The following RNF6 variants were observed in gnomAD, a reference collection of about 807,000 sequenced individuals.
RNF6 encodes ring finger protein 6, also known as E3 ubiquitin-protein ligase RNF6.
Under a neutral mutation model 50.1 loss-of-function variants are expected in RNF6, and 21 were observed. The ratio of observed to expected loss-of-function variants is 0.42; its 90% CI spans 0.30 to 0.60. The LOEUF is 0.60. Among genes scored for constraint, RNF6 ranks in the 20% least tolerant of loss-of-function variants. RNF6 has a pLI of 0.20. For synonymous variants in RNF6, 255 were observed against 291.8 expected (o/e 0.87, Z 1.29); for missense variants, 698 against 838.2 (o/e 0.83, Z 2.07).
At chr13:26,211,970 C>T (rs1869346156), downstream of RNF6, among the ~76,000 whole-genome samples, 1 of 152,184 alleles carries the variant, frequency 6.6e-6, no homozygotes, top group African/African-American at 2.4e-5. Flanking sequence ...GACCAAACAA[C>T]GTCTTTTTTT....
At position 26,161,849 on chromosome 13, in the gene RNF6, T is replaced by C. The variant is rs561069797; in HGVS notation, n.769-29398A>G. On this transcript the variant is annotated intron_variant and non_coding_transcript_variant, in intron 5 of 5. Coordinates refer to the RNF6 transcript ENST00000468480. ...TAGCAGAAAATCCCATTGTGTCTTC[T>C]CTTTCCCTTTCTGTTCCACTCAAAA... Among the ~76,000 whole-genome samples the C allele has an allele frequency of 5.3e-4, 80 of 152,202 alleles. 1 individual carries two copies. Among genetic ancestry groups the C allele is most frequent in the Non-Finnish European group, 1.5e-4 (10 of 68,036 alleles).
At chr13:26,189,272 G>A (rs1422349553) in intron 5 of RNF6, among the ~76,000 whole-genome samples, 1 of 152,020 alleles carries the variant, frequency 6.6e-6, no homozygotes, top group Admixed American at 6.5e-5. Flanking sequence ...AGGTTGCAGT[G>A]AGCCAAGGTC....
rs543372571 is a variant in RNF6 at position 26,164,723 on chromosome 13, C to T, written n.769-32272G>A. Among the ~76,000 whole-genome samples the T allele has an allele frequency of 3.3e-5, 5 of 152,210 alleles. No homozygotes were observed. The South Asian group carries it at 1.0e-3, about 32-fold the overall frequency. The stretch of plus-strand genomic sequence containing the variant: ...CTTTTCTTTACTTATTTGTTTCATT[C>T]CTTTTACTGCCTCTCATGGATGAGA... On this transcript the variant is annotated intron_variant and non_coding_transcript_variant, in intron 5 of 5. Transcript: ENST00000468480.
chr13:26,132,361 GA>G, exon 6 of RNF6: 1 of 437,200 alleles, frequency 2.3e-6, no homozygotes, highest in Non-Finnish European at 4.6e-6. Flanking sequence ...CGAAGCTATT[GA>G]AATGAAGATG....
At chr13:26,189,730 T>C (rs74241261) in intron 5 of RNF6, among the ~76,000 whole-genome samples, 1 of 151,914 alleles carries the variant, frequency 6.6e-6, no homozygotes, top group African/African-American at 2.4e-5. Context: ...TCCTTGGAGA[T>C]AGAGATTTCA....
chr13:26,219,081 G>A (rs1593201389), intron 3 of RNF6, among the ~76,000 whole-genome samples: 1 of 152,002 alleles, frequency 6.6e-6, no homozygotes, highest in Admixed American at 6.6e-5. Context: ...GCTTTGGGGG[G>A]AGCTATTAAT....
chr13:26,155,705 G>A (rs1307814478), intron 5 of RNF6, among the ~76,000 whole-genome samples: 1 of 152,202 alleles, frequency 6.6e-6, no homozygotes, highest in African/African-American at 2.4e-5. Flanking sequence ...GGAAAAGGGT[G>A]AGAACAACCT....
At chr13:26,143,320 C>T (rs918660586) in intron 5 of RNF6, among the ~76,000 whole-genome samples, 58 of 152,132 alleles carry the variant, frequency 3.8e-4, no homozygotes, top group Non-Finnish European at 7.3e-5. Flanking sequence ...TCCAACTTCC[C>T]CTTAGTAGTC....
chr13:26,179,551 C>G (rs920508642), intron 5 of RNF6, among the ~76,000 whole-genome samples: 3 of 152,188 alleles, frequency 2.0e-5, no homozygotes, highest in Middle Eastern at 3.2e-3. Context: ...CTATTCTGAA[C>G]AGTTCCTTCT....
intron 5 of RNF6, among the ~76,000 whole-genome samples, chr13:26,184,018 AT>A (rs1169961717): frequency 1.8e-4 from 6 of 33,932 alleles, no homozygotes; most frequent in African/African-American, 4.7e-4. Flanking sequence ...ATATATATAT[AT>A]TTTTTTTTTT....
chr13:26,187,510 G>T (rs928965876), intron 5 of RNF6, among the ~76,000 whole-genome samples: 2 of 152,144 alleles, frequency 1.3e-5, no homozygotes, highest in African/African-American at 2.4e-5. Flanking sequence ...TGGTGAACTG[G>T]TTATAAAAGA....
In RNF6 at chr13:26,178,956, G is replaced by C. The variant is rs574199107; in HGVS notation, n.768+36518C>G. ...CAGATTCATCCATGTTGTCGCAAAG[G>C]ACAAGCTTACCTTCTTTGTTAAGAC... is the stretch of plus-strand genomic sequence containing the variant. On this transcript the variant is annotated intron_variant and non_coding_transcript_variant, in intron 5 of 5. Transcript: ENST00000468480. 2.9e-4 allele frequency among the ~76,000 whole-genome samples: 44 copies of C among 152,246 alleles called. No homozygotes were observed. The East Asian group carries it at 7.9e-3, about 27-fold the overall frequency.
chr13:26,138,039 A>G (rs1870740245), intron 5 of RNF6, among the ~76,000 whole-genome samples: 1 of 152,154 alleles, frequency 6.6e-6, no homozygotes, highest in Admixed American at 6.6e-5. Context: ...ACTCAAAGAG[A>G]TGCACACCTA....
chr13:26,167,663 A>G (rs902957801), intron 5 of RNF6, among the ~76,000 whole-genome samples: 2 of 152,226 alleles, frequency 1.3e-5, no homozygotes, highest in Admixed American at 1.3e-4. Context: ...AGAGCTAAAA[A>G]CAGAACTACT....
intron 5 of RNF6, among the ~76,000 whole-genome samples, chr13:26,177,429 C>A (rs542825196): frequency 6.6e-6 from 1 of 152,350 alleles, no homozygotes; most frequent in East Asian, 1.9e-4. Context: ...CATCCTCTTC[C>A]TCTGCCCTTC....
At chr13:26,173,599 A>C (rs569934524) in intron 5 of RNF6, among the ~76,000 whole-genome samples, 1 of 152,286 alleles carries the variant, frequency 6.6e-6, no homozygotes, top group Non-Finnish European at 1.5e-5. Flanking sequence ...ACACATTCAT[A>C]TTAGTACTTG....
chr13:26,162,540 C>T (rs1872261899), intron 5 of RNF6, among the ~76,000 whole-genome samples: 1 of 152,156 alleles, frequency 6.6e-6, no homozygotes, highest in African/African-American at 2.4e-5. Context: ...CATGGAAGAA[C>T]ACAGAACATT....
intron 5 of RNF6, chr13:26,144,839 T>A (rs1871145776): frequency 6.6e-6 from 1 of 152,194 alleles, no homozygotes; most frequent in African/African-American, 2.4e-5. Context: ...TGTAATTTCT[T>A]TGTGCTTCAG....
chr13:26,183,141 G>A (rs1382494766), intron 5 of RNF6, among the ~76,000 whole-genome samples: 2 of 152,178 alleles, frequency 1.3e-5, no homozygotes, highest in Admixed American at 6.5e-5. Context: ...AAAAAGACAT[G>A]CTGTTCTATA....
Sources: gnomAD v4.1 joint callset for allele counts (sites outside exome capture counted in the v4.1 genomes callset) on GRCh38, gnomAD v4.1.1 for gene constraint, MANE v1.5 for transcripts, NCBI Gene and HGNC (gene_info 2026-07-23, HGNC 2026-07-21) for gene names.